CENPP: variants seen among roughly 807,000 people sequenced by gnomAD.
CENPP encodes centromere protein P.
Under a neutral mutation model 35.6 loss-of-function variants are expected in CENPP, and 24 were observed. The observed-to-expected ratio is 0.67, with a 90% CI of 0.49 to 0.95. CENPP has a LOEUF of 0.95. CENPP is among the 40% of genes least tolerant of loss of function. The pLI, the probability that CENPP is intolerant of heterozygous loss-of-function variation, is 0.00. For missense variants in CENPP, 332 were observed against 345.3 expected (o/e 0.96, Z 0.31); for synonymous variants, 120 against 125.5 (o/e 0.96, Z 0.29).
At chr9:92,516,766 C>CT (rs932645587) in intron 5 of CENPP, 3 of 152,146 alleles carry the variant, frequency 2.0e-5, no homozygotes, top group African/African-American at 7.2e-5. Flanking sequence ...TCATTGAACA[C>CT]TTTTTTCCTA....
At chr9:92,450,240 C>T (rs1333332466) in intron 5 of CENPP, among the ~76,000 whole-genome samples, 3 of 114,280 alleles carry the variant, frequency 2.6e-5, no homozygotes, top group African/African-American at 1.0e-4. Context: ...AGCTATCCCT[C>T]CCCCCTCCCC....
At position 92,597,906 on chromosome 9, in the gene CENPP, G is replaced by C. The variant is rs569217041; in HGVS notation, c.565-13408G>C. Reference sequence around the variant, plus strand: ...TACATTTGCCTTTAGAGTGATTGCAGGGTGCATGTTTCTAAGGTGTATAAA... The same window carrying C: ...TACATTTGCCTTTAGAGTGATTGCACGGTGCATGTTTCTAAGGTGTATAAA... On this transcript the variant is annotated intron_variant, in intron 5 of 7. Transcript: ENST00000375587. Among the ~76,000 whole-genome samples the C allele has an allele frequency of 7.8e-4, 119 of 152,310 alleles. 1 individual carries two copies. In the South Asian group the frequency reaches 0.023, roughly 30 times the overall value.
At chr9:92,349,334 A>G (rs1424754298) in intron 4 of CENPP, among the ~76,000 whole-genome samples, 1 of 150,622 alleles carries the variant, frequency 6.6e-6, no homozygotes, top group African/African-American at 2.4e-5. Context: ...TTGTTTATTC[A>G]TTTACCCATT....
At chr9:92,430,384 A>C (rs1230752665) in intron 5 of CENPP, among the ~76,000 whole-genome samples, 4 of 151,218 alleles carry the variant, frequency 2.6e-5, no homozygotes, top group Non-Finnish European at 5.9e-5. Flanking sequence ...TTTGCCATGA[A>C]GACTTTTTGT....
At chr9:92,446,866 G>C (rs2131013298) in intron 5 of CENPP, among the ~76,000 whole-genome samples, 1 of 150,608 alleles carries the variant, frequency 6.6e-6, no homozygotes, top group South Asian at 2.1e-4. Flanking sequence ...GTGAGGGAGG[G>C]AGAGAAAGAG....
At chr9:92,417,562 C>CT (rs368853000) in intron 5 of CENPP, 38,969 of 1,104,230 alleles carry the variant, frequency 0.035, no homozygotes, top group South Asian at 0.042. Flanking sequence ...AACCCATCTT[C>CT]TTTTTTTTTT....
chr9:92,475,829 G>A (rs1465523992), intron 5 of CENPP, among the ~76,000 whole-genome samples: 1 of 152,052 alleles, frequency 6.6e-6, no homozygotes, highest in Admixed American at 6.5e-5. Context: ...TTTCCACTGA[G>A]TTCGGTTTGC....
intron 5 of CENPP, among the ~76,000 whole-genome samples, chr9:92,440,967 G>A (rs1249663749): frequency 6.6e-6 from 1 of 152,146 alleles, no homozygotes; most frequent in Non-Finnish European, 1.5e-5. Flanking sequence ...TAGGCTAATT[G>A]TTATCAAACA....
At chr9:92,486,255 GT>G (rs1057474183) in intron 5 of CENPP, among the ~76,000 whole-genome samples, 13 of 152,186 alleles carry the variant, frequency 8.5e-5, no homozygotes, top group Non-Finnish European at 1.9e-4. Context: ...TTTTTGTATA[GT>G]AGATGCTTAA....
At chr9:92,450,628 G>A (rs1358717118) in intron 5 of CENPP, among the ~76,000 whole-genome samples, 1 of 152,084 alleles carries the variant, frequency 6.6e-6, no homozygotes, top group Non-Finnish European at 1.5e-5. Flanking sequence ...GGATGTCTGG[G>A]TCTAATGGTA....
At chr9:92,510,146 G>T in intron 5 of CENPP, 2 of 1,247,082 alleles carry the variant, frequency 1.6e-6, no homozygotes, top group Non-Finnish European at 2.2e-6. Flanking sequence ...CTTAGGCTTA[G>T]ACAGTAATGT....
intron 5 of CENPP, among the ~76,000 whole-genome samples, chr9:92,564,717 G>A (rs888708274): frequency 5.9e-5 from 9 of 152,182 alleles, no homozygotes; most frequent in Non-Finnish European, 2.9e-5. Context: ...CCACAAAACT[G>A]AATGAGATCA....
chr9:92,417,326 CA>C (rs764532636), intron 5 of CENPP: 2 of 1,614,050 alleles, frequency 1.2e-6, no homozygotes, highest in Non-Finnish European at 1.7e-6. Flanking sequence ...GCGATTATCA[CA>C]GTACATTGAT....
chr9:92,443,380 TA>T (rs1048693463), intron 5 of CENPP, among the ~76,000 whole-genome samples: 1 of 151,860 alleles, frequency 6.6e-6, no homozygotes, highest in East Asian at 1.9e-4. Context: ...GGGGTAACTC[TA>T]AAAAAAATGT....
At chr9:92,466,625 G>C in intron 5 of CENPP, 7 of 1,393,944 alleles carry the variant, frequency 5.0e-6, no homozygotes, top group Non-Finnish European at 7.1e-6. Context: ...TGATTTACCA[G>C]TATTCTACAG....
In CENPP at chr9:92,484,875, C is replaced by T. The variant is rs553467238; in HGVS notation, c.564+105016C>T. Among the ~76,000 whole-genome samples the T allele has an allele frequency of 7.2e-5, 11 of 152,304 alleles. No individual in the cohort carries two copies. The South Asian group carries it at 2.3e-3, about 32-fold the overall frequency. On this transcript the variant is annotated intron_variant, in intron 5 of 7. Transcript: ENST00000375587. ...TATGTTACAGCTACTTTTCCTTCTC[C>T]CCACTGTGAGACTTAAGCTAGTCTT...
At chr9:92,461,853 GA>G (rs1405058514) in intron 5 of CENPP, among the ~76,000 whole-genome samples, 6 of 152,134 alleles carry the variant, frequency 3.9e-5, no homozygotes, top group Non-Finnish European at 5.9e-5. Context: ...TTCAAGTAAT[GA>G]ATTCATGCAA....
In CENPP at chr9:92,568,377, T is replaced by C. The variant is rs368779310; in HGVS notation, c.565-42937T>C. On this transcript the variant is annotated intron_variant, in intron 5 of 7. Transcript: ENST00000375587. ...TGCGATAGTTTACTCAGAATGATGG[T>C]TTCCAGCTTCATCCATGTCCCTGCA... 3.9e-4 allele frequency among the ~76,000 whole-genome samples: 60 copies of C among 152,294 alleles called. 1 individual carries two copies. Among genetic ancestry groups the C allele is most frequent in the African/African-American group, 1.4e-3 (59 of 41,554 alleles).
rs554306462 is a variant in CENPP at position 92,435,987 on chromosome 9, A to G, written c.564+56128A>G. Among the ~76,000 whole-genome samples, 87 of 152,288 alleles carry G rather than the reference A, an allele frequency of 5.7e-4. 1 individual carries two copies. The Middle Eastern group carries it at 0.014, about 24-fold the overall frequency. ...TTAGTTTTTAAAAACCTGGCAAACTATTTTCCAGAACAGCTGCACCATTTT... is the reference window on the plus strand; with the variant it reads ...TTAGTTTTTAAAAACCTGGCAAACTGTTTTCCAGAACAGCTGCACCATTTT... On this transcript the variant is annotated intron_variant, in intron 5 of 7. Coordinates refer to ENST00000375587, the MANE Select transcript of CENPP (RefSeq NM_001012267.3).
Sources: allele counts gnomAD v4.1 joint callset (sites outside exome capture counted in the v4.1 genomes callset), GRCh38; gene constraint gnomAD v4.1.1; transcripts MANE v1.5; gene names NCBI Gene and HGNC (gene_info 2026-07-23, HGNC 2026-07-21).